INPP4B: variants seen among roughly 807,000 people sequenced by gnomAD.
INPP4B encodes the protein inositol polyphosphate-4-phosphatase type II B, also known as inositol polyphosphate 4-phosphatase type II.
INPP4B carries 55 observed loss-of-function variants against 122.5 expected under a neutral mutation model. That is an observed-to-expected ratio of 0.45 (90% confidence interval 0.36 to 0.56). The LOEUF (loss-of-function observed/expected upper bound fraction) is 0.56. INPP4B is among the 20% of genes least tolerant of loss of function. INPP4B has a pLI of 0.00. For missense variants in INPP4B, 1,000 were observed against 1,097.7 expected (o/e 0.91, Z 1.26); for synonymous variants, 403 against 388.7 (o/e 1.04, Z -0.43).
chr4:142,247,709 C>A (rs1217488944), intron 11 of INPP4B, among the ~76,000 whole-genome samples: 1 of 151,942 alleles, frequency 6.6e-6, no homozygotes, highest in Non-Finnish European at 1.5e-5. Flanking sequence ...GGCTGGTGGT[C>A]CATCTATTTT....
chr4:142,588,960 G>A (rs747045764), intron 2 of INPP4B, among the ~76,000 whole-genome samples: 1 of 151,904 alleles, frequency 6.6e-6, no homozygotes, highest in Non-Finnish European at 1.5e-5. Flanking sequence ...CAAAACTACA[G>A]TTATCAACAT....
intron 25 of INPP4B, among the ~76,000 whole-genome samples, chr4:142,040,190 G>A (rs1202764992): frequency 6.6e-6 from 1 of 152,056 alleles, no homozygotes; most frequent in Non-Finnish European, 1.5e-5. Context: ...AAGACAAGGG[G>A]CAGTGTTTGT....
intron 7 of INPP4B, among the ~76,000 whole-genome samples, chr4:142,342,745 A>G (rs1779098583): frequency 6.6e-6 from 1 of 152,164 alleles, no homozygotes; most frequent in South Asian, 2.1e-4. Flanking sequence ...ATTTTCCCAA[A>G]AAAGCATTCA....
At chr4:142,149,522 G>A (rs1812625749) in intron 17 of INPP4B, among the ~76,000 whole-genome samples, 2 of 151,878 alleles carry the variant, frequency 1.3e-5, no homozygotes, top group Admixed American at 6.6e-5. Context: ...ACAGAAATGG[G>A]GTACACAGTA....
intron 1 of INPP4B, among the ~76,000 whole-genome samples, chr4:142,790,526 C>A (rs1330963680): frequency 6.6e-6 from 1 of 152,004 alleles, no homozygotes; most frequent in Non-Finnish European, 1.5e-5. Context: ...TACCACCTTA[C>A]TCCTGCAAAA....
chr4:142,728,711 T>A (rs1207397677), intron 1 of INPP4B, among the ~76,000 whole-genome samples: 2 of 151,980 alleles, frequency 1.3e-5, no homozygotes, highest in African/African-American at 4.8e-5. Context: ...GCCAGCAACA[T>A]CAGAAACTAA....
chr4:142,081,983 ACT>A, intron 25 of INPP4B, 46 bp downstream of exon 25: 2 of 1,287,660 alleles, frequency 1.6e-6, no homozygotes, highest in Non-Finnish European at 2.0e-6. Flanking sequence ...AATAAAAACA[ACT>A]CAAAATGACC....
intron 1 of INPP4B, among the ~76,000 whole-genome samples, chr4:142,803,605 A>G (rs1013332076): frequency 2.0e-5 from 3 of 151,696 alleles, no homozygotes; most frequent in African/African-American, 4.8e-5. Context: ...AATAGATGAT[A>G]TAAGAAATAT....
At chr4:142,287,748 C>G (rs568643941) in intron 9 of INPP4B, 1 of 152,234 alleles carries the variant, frequency 6.6e-6, no homozygotes, top group South Asian at 2.1e-4. Flanking sequence ...AAGAATAGGG[C>G]CTTAAAGCTC....
At chr4:142,443,424 G>A (rs956568771) in intron 3 of INPP4B, among the ~76,000 whole-genome samples, 4 of 152,126 alleles carry the variant, frequency 2.6e-5, no homozygotes, top group Non-Finnish European at 5.9e-5. Context: ...AGACCCTGCT[G>A]ACCTTAGGTG....
intron 8 of INPP4B, chr4:142,305,742 T>G (rs534381370): frequency 6.4e-6 from 9 of 1,397,082 alleles, no homozygotes; most frequent in African/African-American, 1.5e-5. Context: ...TCATTTTCCC[T>G]AAAAGAAAAG....
intron 1 of INPP4B, among the ~76,000 whole-genome samples, chr4:142,815,070 T>C (rs985558901): frequency 1.3e-5 from 2 of 152,104 alleles, no homozygotes; most frequent in African/African-American, 2.4e-5. Flanking sequence ...GACTGACATT[T>C]TACTTCTCTG....
chr4:142,161,739 A>G (rs1337018770), intron 16 of INPP4B, among the ~76,000 whole-genome samples: 4 of 151,920 alleles, frequency 2.6e-5, no homozygotes, highest in Non-Finnish European at 5.9e-5. Flanking sequence ...GTGCCCAGTA[A>G]GATTTTGTTA....
chr4:142,201,505 C>T (rs1048620617), intron 14 of INPP4B, among the ~76,000 whole-genome samples: 5 of 151,928 alleles, frequency 3.3e-5, no homozygotes, highest in Non-Finnish European at 7.4e-5. Context: ...CCCTTTCAGC[C>T]TTGAATTTCA....
chr4:142,469,720 C>T (rs1226464643), intron 2 of INPP4B, among the ~76,000 whole-genome samples: 20 of 152,116 alleles, frequency 1.3e-4, no homozygotes, highest in Non-Finnish European at 2.6e-4. Context: ...TATATAATGC[C>T]TGTCATATGC....
chr4:142,404,834 C>A (rs1562025471), intron 6 of INPP4B, among the ~76,000 whole-genome samples: 2 of 151,342 alleles, frequency 1.3e-5, no homozygotes, highest in South Asian at 4.2e-4. Flanking sequence ...ATATTTATTT[C>A]AATTTAAAGT....
intron 10 of INPP4B, among the ~76,000 whole-genome samples, chr4:142,263,410 A>G (rs1161019372): frequency 6.6e-6 from 1 of 151,758 alleles, no homozygotes; most frequent in Admixed American, 6.6e-5. Flanking sequence ...TTATTTATTG[A>G]TCCACCAATT....
chr4:142,029,152 T>G (rs1738205954), intron 25 of INPP4B: 3 of 1,204,016 alleles, frequency 2.5e-6, no homozygotes, highest in Admixed American at 8.0e-5. Flanking sequence ...CATTTAAAAT[T>G]TAATAAACTC....
chr4:142,315,074 A>G (rs1766993013), intron 7 of INPP4B, among the ~76,000 whole-genome samples: 3 of 152,208 alleles, frequency 2.0e-5, no homozygotes. Context: ...GGGACAGGAA[A>G]GAGCTGGTAT....
Sources: allele counts gnomAD v4.1 joint callset (sites outside exome capture counted in the v4.1 genomes callset), GRCh38; gene constraint gnomAD v4.1.1; transcripts MANE v1.5; gene names NCBI Gene and HGNC (gene_info 2026-07-23, HGNC 2026-07-21).